Variants in GALNT7 observed in about 807,000 individuals in gnomAD.
The protein encoded by GALNT7 is polypeptide N-acetylgalactosaminyltransferase 7.
In GALNT7, 60 loss-of-function variants were observed where a neutral mutation model predicts 82.1. The ratio of observed to expected loss-of-function variants is 0.73; its 90% CI spans 0.59 to 0.91. The LOEUF (loss-of-function observed/expected upper bound fraction) is 0.91. GALNT7 is among the 40% of genes least tolerant of loss of function. The probability of loss-of-function intolerance (pLI) is 0.00; values close to 1 mark genes in which losing one functional copy is unlikely to be tolerated. For missense variants in GALNT7, 660 were observed against 804.2 expected (o/e 0.82, Z 2.17); for synonymous variants, 243 against 275.1 (o/e 0.88, Z 1.15).
At chr4:173,183,928 G>A (rs1262274782) in intron 1 of GALNT7, among the ~76,000 whole-genome samples, 14 of 151,684 alleles carry the variant, frequency 9.2e-5, no homozygotes, top group Admixed American at 2.0e-4. Flanking sequence ...CAGACGGGGC[G>A]GCCAGGCAGA....
chr4:173,189,958 T>C (rs565784550), intron 1 of GALNT7, among the ~76,000 whole-genome samples: 48 of 152,292 alleles, frequency 3.2e-4, no homozygotes, highest in African/African-American at 1.0e-3. Context: ...AATTAAAATA[T>C]AGATTTGGCT....
intron 2 of GALNT7, among the ~76,000 whole-genome samples, chr4:173,260,325 C>T (rs1404714478): frequency 6.6e-6 from 1 of 152,114 alleles, no homozygotes; most frequent in East Asian, 1.9e-4. Flanking sequence ...TAGACTGAGG[C>T]TTATAACCCA....
At chr4:173,280,296 A>G (rs1736065707) in intron 2 of GALNT7, among the ~76,000 whole-genome samples, 1 of 152,210 alleles carries the variant, frequency 6.6e-6, no homozygotes, top group South Asian at 2.1e-4. Flanking sequence ...AGTCTGCTGA[A>G]TTAGATATTA....
At chr4:173,280,353 G>C (rs528190757) in intron 2 of GALNT7, among the ~76,000 whole-genome samples, 2 of 152,286 alleles carry the variant, frequency 1.3e-5, no homozygotes, top group South Asian at 4.1e-4. Flanking sequence ...TTAAACTACA[G>C]ATGTTAAAAA....
At chr4:173,169,162 T>G in intron 1 of GALNT7, 2 of 231,422 alleles carry the variant, frequency 8.6e-6, no homozygotes. Context: ...GCCCGCCCCC[T>G]CGCCGCCCCT....
intron 1 of GALNT7, among the ~76,000 whole-genome samples, chr4:173,198,065 CTTT>C (rs5864190): frequency 2.0e-5 from 3 of 148,516 alleles, no homozygotes; most frequent in Admixed American, 6.7e-5. Context: ...TGGATTGTTT[CTTT>C]TTTTTTTTTG....
intron 1 of GALNT7, among the ~76,000 whole-genome samples, chr4:173,234,584 C>CA (rs1734151619): frequency 6.6e-6 from 1 of 152,106 alleles, no homozygotes; most frequent in South Asian, 2.1e-4. Context: ...GATTGGATAG[C>CA]AAAAGAAAAC....
intron 1 of GALNT7, among the ~76,000 whole-genome samples, chr4:173,171,175 G>A (rs1446500041): frequency 6.6e-6 from 1 of 152,146 alleles, no homozygotes; most frequent in Non-Finnish European, 1.5e-5. Context: ...AATAATAAGA[G>A]CATAAATAAG....
chr4:173,181,671 A>G (rs1732254643), intron 1 of GALNT7, among the ~76,000 whole-genome samples: 1 of 152,204 alleles, frequency 6.6e-6, no homozygotes, highest in South Asian at 2.1e-4. Context: ...TGAAGAGTGG[A>G]ATCACCTACA....
chr4:173,233,249 C>T (rs1734097768), intron 1 of GALNT7, among the ~76,000 whole-genome samples: 1 of 152,158 alleles, frequency 6.6e-6, no homozygotes, highest in African/African-American at 2.4e-5. Flanking sequence ...TGGATAAATA[C>T]CCAGTAGTGG....
At chr4:173,286,646 C>A (rs1736333750) in intron 2 of GALNT7, among the ~76,000 whole-genome samples, 1 of 152,176 alleles carries the variant, frequency 6.6e-6, no homozygotes, top group Non-Finnish European at 1.5e-5. Context: ...GGGGTTGATG[C>A]TTTAAGTAAG....
At chr4:173,171,311 CGA>C (rs1731863671) in intron 1 of GALNT7, among the ~76,000 whole-genome samples, 3 of 152,174 alleles carry the variant, frequency 2.0e-5, no homozygotes, top group Non-Finnish European at 4.4e-5. Context: ...TCTTTTACTT[CGA>C]TGACTATTGC....
At chr4:173,267,354 T>C (rs1291202784) in intron 2 of GALNT7, among the ~76,000 whole-genome samples, 2 of 152,126 alleles carry the variant, frequency 1.3e-5, no homozygotes, top group African/African-American at 4.8e-5. Flanking sequence ...ACCTGAATGC[T>C]AGGGAGATAC....
At chr4:173,183,868 C>T (rs1424975535) in intron 1 of GALNT7, among the ~76,000 whole-genome samples, 1 of 151,092 alleles carries the variant, frequency 6.6e-6, no homozygotes, top group Non-Finnish European at 1.5e-5. Context: ...CGGAGACGCT[C>T]ATCACTTCCC....
In GALNT7 at chr4:173,182,941, C is replaced by CACACACAG. The variant is rs1554020053; in HGVS notation, c.126+13986_126+13987insAGACACAC. Among the ~76,000 whole-genome samples the CACACACAG allele has an allele frequency of 3.7e-3, 563 of 150,816 alleles. 6 individuals carry two copies. Among genetic ancestry groups the CACACACAG allele is most frequent in the African/African-American group, 0.013 (545 of 40,716 alleles). On this transcript the variant is annotated intron_variant, in intron 1 of 11. Coordinates refer to ENST00000265000, the MANE Select transcript of GALNT7 (RefSeq NM_017423.3). The stretch of plus-strand genomic sequence containing the variant: ...TACTCATAATACACACACACACACA[C>CACACACAG]ACACACTCTGCTTTTTCTCTATGTA...
chr4:173,237,890 T>C (rs1734289065), intron 1 of GALNT7, among the ~76,000 whole-genome samples: 1 of 152,136 alleles, frequency 6.6e-6, no homozygotes, highest in Admixed American at 6.6e-5. Flanking sequence ...TAGGGTTGAT[T>C]GGCACAAGCT....
At chr4:173,224,556 A>T (rs1733742066) in intron 1 of GALNT7, among the ~76,000 whole-genome samples, 1 of 152,196 alleles carries the variant, frequency 6.6e-6, no homozygotes, top group South Asian at 2.1e-4. Context: ...TTTGTAATTT[A>T]AATTTAACAT....
At chr4:173,259,567 C>T (rs1387681002) in intron 2 of GALNT7, among the ~76,000 whole-genome samples, 1 of 151,934 alleles carries the variant, frequency 6.6e-6, no homozygotes. Context: ...AAACTTTATT[C>T]TGAGTTATAT....
chr4:173,278,893 C>A (rs549804228), intron 2 of GALNT7, among the ~76,000 whole-genome samples: 1 of 152,130 alleles, frequency 6.6e-6, no homozygotes, highest in East Asian at 1.9e-4. Context: ...AAATTTCTTT[C>A]GAAGCTTAGA....
Sources: gnomAD v4.1 joint callset for allele counts (sites outside exome capture counted in the v4.1 genomes callset) on GRCh38, gnomAD v4.1.1 for gene constraint, MANE v1.5 for transcripts, NCBI Gene and HGNC (gene_info 2026-07-23, HGNC 2026-07-21) for gene names.